The following DDX27 variants were observed in gnomAD, a reference collection of about 807,000 sequenced individuals.
The protein encoded by DDX27 is probable ATP-dependent RNA helicase DDX27.
In DDX27, 42 loss-of-function variants were observed where a neutral mutation model predicts 99.3. The ratio of observed to expected loss-of-function variants is 0.42; its 90% CI spans 0.33 to 0.55. The LOEUF (loss-of-function observed/expected upper bound fraction) is 0.55. DDX27 is among the 20% of genes least tolerant of loss of function. The probability of loss-of-function intolerance (pLI) is 0.07; values close to 1 mark genes in which losing one functional copy is unlikely to be tolerated. For synonymous variants in DDX27, 329 were observed against 353.8 expected (o/e 0.93, Z 0.79); for missense variants, 798 against 976.8 (o/e 0.82, Z 2.44).
At chr20:49,226,638 T>C in intron 7 of DDX27, 103 bp downstream of exon 7, 1 of 695,232 alleles carries the variant, frequency 1.4e-6, no homozygotes, top group East Asian at 2.9e-5. Context: ...ATATTCTTGG[T>C]TTTTTGAACT....
In DDX27 at chr20:49,239,002, G is replaced by A; in HGVS notation, c.1741G>A (p.Ala581Thr). 1 of 1,614,172 alleles carries A rather than the reference G, an allele frequency of 6.2e-7. No individual in the cohort carries two copies. Among genetic ancestry groups the A allele is most frequent in the Non-Finnish European group, 8.5e-7 (1 of 1,180,028 alleles). The change falls in exon 15 of 21, where the codon GCA becomes ACA. Residue 581 changes from alanine to threonine, a missense_variant. Physicochemically the swap from Ala to Thr is moderately conservative, Grantham distance 58. This residue lies in a region of DDX27 where 553 missense variants were observed against 727.9 expected (regional missense o/e 0.76). Transcript: ENST00000618172. The stretch of plus-strand genomic sequence containing the variant: ...TGAGAAAATGGAGAAAGATGTGTAT[G>A]CAGTTCTGCAGCTAGAGGCGGAGGA... ...KIEKMEKDVY[A>T]VLQLEAEEKE...
intron 9 of DDX27, 49 bp from the exon 10 acceptor site, chr20:49,233,257 G>A (rs1298680139): frequency 6.9e-7 from 1 of 1,448,822 alleles, no homozygotes. Context: ...CCCTCACTGT[G>A]ACCGAAGAGC....
At chr20:49,223,871 A>G (rs1979781271) in intron 4 of DDX27, among the ~76,000 whole-genome samples, 1 of 151,826 alleles carries the variant, frequency 6.6e-6, no homozygotes, top group Non-Finnish European at 1.5e-5. Flanking sequence ...ACAGAATGAG[A>G]CCCTGTCTCA....
At position 49,230,382 on chromosome 20, in the gene DDX27, T is replaced by C. The variant is rs777347406; in HGVS notation, c.1031+33T>C. ...TCACAGCCTGGGGCCCAGGGCACTG[T>C]GGGGTTCCAAGGCCCAGAACCTGGA... On this transcript the variant is annotated intron_variant, in intron 9 of 20. Transcript: ENST00000618172. 3.1e-6 allele frequency: 5 copies of C among 1,587,636 alleles called. No individual in the cohort carries two copies. The African/African-American group carries it at 6.7e-5, about 21-fold the overall frequency.
rs1486863613 is a variant in DDX27 at position 49,224,661 on chromosome 20, C to T, written c.467-284C>T. 1.2e-5 allele frequency: 4 copies of T among 343,268 alleles called. 1 individual carries two copies. The highest frequency in any genetic ancestry group is 2.1e-5 in the Non-Finnish European group (4 of 188,100). The allele number at this position is 343,268 out of a possible 1,614,324, so 21.3% of individuals were successfully genotyped here. A position where few individuals can be genotyped will look rare whatever the true frequency, so the allele number is the denominator to read the frequency against. ...TTTAGGCGGGAGCCACTGCTTCCGCCCTCAATAAGTATTTCTTGCAGAAAT... is the reference window on the plus strand; with the variant it reads ...TTTAGGCGGGAGCCACTGCTTCCGCTCTCAATAAGTATTTCTTGCAGAAAT... On this transcript the variant is annotated intron_variant, in intron 4 of 20. Coordinates refer to ENST00000618172, the MANE Select transcript of DDX27 (RefSeq NM_017895.8).
chr20:49,239,259 G>C lies in DDX27; in HGVS notation c.1818G>C (p.Leu606=). The change falls in exon 16 of 21, where the codon CTG becomes CTC. Residue 606 remains leucine (L), a synonymous_variant. Coordinates refer to ENST00000618172, the MANE Select transcript of DDX27 (RefSeq NM_017895.8). ...EAQINTAKRL[L]EKGKEAVVQE... Reference sequence around the variant, plus strand: ...AGATCAATACAGCAAAGCGGCTCCTGGAGAAGGGGAAGGAGGCAGTGGTCC... The same window carrying C: ...AGATCAATACAGCAAAGCGGCTCCTCGAGAAGGGGAAGGAGGCAGTGGTCC... 1 of 1,614,108 alleles carries C rather than the reference G, an allele frequency of 6.2e-7. No individual in the cohort carries two copies. Among genetic ancestry groups the C allele is most frequent in the Non-Finnish European group, 8.5e-7 (1 of 1,180,008 alleles).
rs151239397 is a variant in DDX27, at chr20:49,225,113, G to C, written c.514G>C (p.Glu172Gln). ...DRKKKKKKGQ[E>Q]AGGFFEDASQ... ...TCTCTCTTTTGGTTTTCTGGTGTAG[G>C]AAGCAGGAGGATTTTTTGAAGATGC... Residue 172 changes from glutamate to glutamine, a missense_variant and splice_region_variant, in exon 6 of 21, where the codon GAA becomes CAA. By Grantham distance (29) the Glu-to-Gln change is conservative (BLOSUM62 2). This residue lies in a region of DDX27 where 245 missense variants were observed against 248.8 expected (regional missense o/e 0.98). Coordinates refer to ENST00000618172, the MANE Select transcript of DDX27 (RefSeq NM_017895.8). 5.0e-6 allele frequency: 8 copies of C among 1,613,934 alleles called. No individual in the cohort carries two copies. Among genetic ancestry groups the C allele is most frequent in the Non-Finnish European group, 6.8e-6 (8 of 1,179,798 alleles).
intron 18 of DDX27, 30 bp from the exon 19 acceptor site, chr20:49,242,564 C>G (rs746951759): frequency 6.2e-7 from 1 of 1,602,886 alleles, no homozygotes; most frequent in Admixed American, 1.7e-5. Context: ...CCAAAGACAA[C>G]CATATGTAAC....
chr20:49,228,660 A>G, intron 7 of DDX27, 55 bp from the exon 8 acceptor site: 1 of 1,494,834 alleles, frequency 6.7e-7, no homozygotes, highest in South Asian at 1.3e-5. Context: ...TGAAAACCTA[A>G]CCCTGGAGGG....
chr20:49,229,580 C>T (rs530955941), intron 8 of DDX27, among the ~76,000 whole-genome samples: 2 of 152,010 alleles, frequency 1.3e-5, no homozygotes, highest in Admixed American at 6.6e-5. Context: ...TGATCTTTGT[C>T]TCCCTGTAAC....
chr20:49,233,424 CTG>C lies in DDX27; in HGVS notation c.1131+22_1131+23del. 6.2e-7 allele frequency: 1 copy of C among 1,612,454 alleles called. No individual in the cohort carries two copies. The highest frequency in any genetic ancestry group is 8.5e-7 in the Non-Finnish European group (1 of 1,179,296). ...AGACGAGGTGGGCCGAGGGACTTCT[CTG>C]TGGCGGGTGGCAGGTGTGCCCAGAG... On this transcript the variant is annotated intron_variant, in intron 10 of 20. Coordinates refer to ENST00000618172, the MANE Select transcript of DDX27 (RefSeq NM_017895.8).
At chr20:49,222,363 G>A (rs1057392325) in intron 2 of DDX27, among the ~76,000 whole-genome samples, 7 of 151,814 alleles carry the variant, frequency 4.6e-5, no homozygotes, top group African/African-American at 1.7e-4. Flanking sequence ...AGGCCGGAGT[G>A]CAATGGTACC....
intron 7 of DDX27, 149 bp from the exon 8 acceptor site, chr20:49,228,566 T>G: frequency 2.4e-6 from 2 of 831,344 alleles, no homozygotes; most frequent in East Asian, 2.8e-5. Flanking sequence ...AGCCTGACCA[T>G]GTGATTTGAA....
rs1042659215 is a variant in DDX27 at position 49,236,957 on chromosome 20, C to G, written c.1687+447C>G. ...GAATTCCTAGGCTCAAGCAATCCAC[C>G]CACCTTCTGCCTCCCAAAGTGCCGG... On this transcript the variant is annotated intron_variant, in intron 14 of 20. Transcript: ENST00000618172. This position sits in a 1 kb window ranked among gnomAD's most constrained non-coding sequence, Gnocchi z 4.1. 2.0e-5 allele frequency among the ~76,000 whole-genome samples: 3 copies of G among 152,036 alleles called. No individual in the cohort carries two copies. The highest frequency in any genetic ancestry group is 7.2e-5 in the African/African-American group (3 of 41,402).
At chr20:49,233,921 C>T in intron 11 of DDX27, 1 of 543,588 alleles carries the variant, frequency 1.8e-6, no homozygotes, top group Non-Finnish European at 3.3e-6. Flanking sequence ...TCTTTGTGTC[C>T]TGTTCAACTC....
chr20:49,236,390 A>G lies in DDX27; in HGVS notation c.1567A>G (p.Thr523Ala), dbSNP rs1980309615. 11 of 1,611,498 alleles carry G rather than the reference A, an allele frequency of 6.8e-6. No homozygotes were observed. The East Asian group carries it at 2.2e-4, about 33-fold the overall frequency. Residue 523 changes from threonine to alanine, a missense_variant, in exon 14 of 21, where the codon ACA becomes GCA. Coordinates refer to ENST00000618172, the MANE Select transcript of DDX27 (RefSeq NM_017895.8). The surrounding 1 kb of genome is among the most constrained non-coding windows in gnomAD (Gnocchi z 4.1). The part of the protein sequence containing the change: ...IKHYVHRVGR[T>A]ARAGRAGRSV... Reference sequence around the variant, plus strand: ...ACATTATGTCCACCGGGTGGGGCGAACAGCACGTGCTGGCAGGGCTGGGCG... The same window carrying G: ...ACATTATGTCCACCGGGTGGGGCGAGCAGCACGTGCTGGCAGGGCTGGGCG...
chr20:49,242,778 A>G, intron 19 of DDX27, 97 bp downstream of exon 19: 1 of 1,178,224 alleles, frequency 8.5e-7, no homozygotes, highest in Non-Finnish European at 1.2e-6. Flanking sequence ...GGTGGAGTGC[A>G]GTGGTGCATC....
chr20:49,219,614 C>A, intron 1 of DDX27, 73 bp downstream of exon 1: 1 of 1,456,740 alleles, frequency 6.9e-7, no homozygotes. Context: ...GTCCCTGTCC[C>A]CGAATCCTCA....
rs1980114197 is a variant in DDX27 at position 49,231,590 on chromosome 20, A to AG, written c.1031+1245dup. On this transcript the variant is annotated intron_variant, in intron 9 of 20. Transcript: ENST00000618172. The stretch of plus-strand genomic sequence containing the variant: ...CTGCACTGGGGAGAGAAATGCTGTA[A>AG]GGGGTTGGGCTTGCTGAAAACATGG... Among the ~76,000 whole-genome samples, 6 of 152,330 alleles carry AG rather than the reference A, an allele frequency of 3.9e-5. No homozygotes were observed. In the South Asian group the frequency reaches 1.2e-3, roughly 32 times the overall value.
Sources: gnomAD v4.1 joint callset for allele counts (sites outside exome capture counted in the v4.1 genomes callset) on GRCh38, gnomAD v4.1.1 for gene constraint, gnomAD v4.1.1 regional missense constraint, Gnocchi (gnomAD v3.1) non-coding constraint, MANE v1.5 for transcripts, NCBI Gene and HGNC (gene_info 2026-07-23, HGNC 2026-07-21) for gene names.